Variants in CLSTN2 observed in about 807,000 individuals in gnomAD.
The protein encoded by CLSTN2 is calsyntenin-2.
Under a neutral mutation model 101.2 loss-of-function variants are expected in CLSTN2, and 48 were observed. The ratio of observed to expected loss-of-function variants is 0.47; its 90% CI spans 0.38 to 0.60. CLSTN2 has a LOEUF of 0.60. CLSTN2 is among the 20% of genes least tolerant of loss of function. The pLI is 0.00. For synonymous variants in CLSTN2, 481 were observed against 463.6 expected (o/e 1.04, Z -0.48); for missense variants, 1,160 against 1,238.2 (o/e 0.94, Z 0.95).
At chr3:140,381,217 C>G (rs1204587390) in intron 2 of CLSTN2, among the ~76,000 whole-genome samples, 3 of 152,192 alleles carry the variant, frequency 2.0e-5, no homozygotes, top group African/African-American at 7.2e-5. Context: ...ACATCATCTT[C>G]CTAATGGTCA....
chr3:140,171,906 TTA>T (rs1293517499), intron 1 of CLSTN2, among the ~76,000 whole-genome samples: 11 of 128,118 alleles, frequency 8.6e-5, no homozygotes, highest in Non-Finnish European at 1.1e-4. Context: ...ATATTATATA[TTA>T]TGTGTGTGTG....
intron 7 of CLSTN2, among the ~76,000 whole-genome samples, chr3:140,462,225 A>T (rs1406480169): frequency 6.6e-6 from 1 of 152,186 alleles, no homozygotes; most frequent in East Asian, 1.9e-4. Context: ...ACCTTTATAT[A>T]ACATTATCTC....
At chr3:140,291,044 A>T (rs2086941618) in intron 2 of CLSTN2, among the ~76,000 whole-genome samples, 1 of 152,098 alleles carries the variant, frequency 6.6e-6, no homozygotes, top group African/African-American at 2.4e-5. Flanking sequence ...TACATCCAAA[A>T]ATCCCTACCA....
chr3:140,456,695 G>T (rs1933408079), intron 6 of CLSTN2, among the ~76,000 whole-genome samples: 1 of 152,108 alleles, frequency 6.6e-6, no homozygotes, highest in South Asian at 2.1e-4. Flanking sequence ...GCTGAGGCAG[G>T]AGAATCGCTT....
At chr3:140,238,193 C>T (rs2086432663) in intron 2 of CLSTN2, among the ~76,000 whole-genome samples, 1 of 152,104 alleles carries the variant, frequency 6.6e-6, no homozygotes, top group South Asian at 2.1e-4. Context: ...CCTTTGGGGC[C>T]ACAGGATAGA....
intron 8 of CLSTN2, chr3:140,506,071 G>C (rs758113953): frequency 7.9e-5 from 12 of 152,158 alleles, no homozygotes; most frequent in Non-Finnish European, 1.6e-4. Flanking sequence ...TCATAATCTG[G>C]GAGATCCTCC....
chr3:140,575,415 G>A lies in CLSTN2; in HGVS notation c.*9162G>A, dbSNP rs1362407422. On this transcript the variant is annotated 3_prime_UTR_variant, in exon 17 of 17. Transcript: ENST00000458420. ...GTAAATCTGGCCATGTGACCAAAGA[G>A]GCAGTCAAATCAATTGCTTCCAAAG... 1 of 152,144 alleles carries A rather than the reference G, an allele frequency of 6.6e-6. No individual in the cohort carries two copies. Among genetic ancestry groups the A allele is most frequent in the Non-Finnish European group, 1.5e-5 (1 of 68,044 alleles). The allele number at this position is 152,144 out of a possible 1,614,324, so 9.4% of individuals were successfully genotyped here.
chr3:140,053,959 C>T (rs1252654506), intron 1 of CLSTN2, among the ~76,000 whole-genome samples: 5 of 152,200 alleles, frequency 3.3e-5, no homozygotes, highest in African/African-American at 1.2e-4. Flanking sequence ...GTTGCCATCT[C>T]TGAGTTAGAC....
At chr3:140,305,042 ACACACACACACACT>A (rs2087098563) in intron 2 of CLSTN2, among the ~76,000 whole-genome samples, 2 of 146,208 alleles carry the variant, frequency 1.4e-5, no homozygotes, top group South Asian at 2.3e-4. Context: ...ACACACACAC[ACACACACACACACT>A]CTCTCTCTCT....
chr3:140,540,480 T>C (rs945548495), intron 9 of CLSTN2, among the ~76,000 whole-genome samples: 28 of 152,328 alleles, frequency 1.8e-4, no homozygotes, highest in Non-Finnish European at 1.8e-4. Flanking sequence ...CACAGGTATC[T>C]ACATCACTGA....
At chr3:140,090,456 A>G (rs1031023857) in intron 1 of CLSTN2, among the ~76,000 whole-genome samples, 3 of 152,022 alleles carry the variant, frequency 2.0e-5, no homozygotes, top group African/African-American at 7.3e-5. Context: ...GCTCTTTTAT[A>G]TTGATGAATC....
At chr3:139,978,727 G>C (rs1156361619) in intron 1 of CLSTN2, among the ~76,000 whole-genome samples, 2 of 149,038 alleles carry the variant, frequency 1.3e-5, no homozygotes, top group East Asian at 4.0e-4. Context: ...GAGGGAACCA[G>C]AACTAAATCC....
At chr3:140,255,413 C>A (rs1381097012) in intron 2 of CLSTN2, among the ~76,000 whole-genome samples, 1 of 152,160 alleles carries the variant, frequency 6.6e-6, no homozygotes. Context: ...TGCCCATCAA[C>A]AGTGGACTGG....
At chr3:140,137,689 A>G (rs899018793) in intron 1 of CLSTN2, among the ~76,000 whole-genome samples, 2 of 152,174 alleles carry the variant, frequency 1.3e-5, no homozygotes, top group African/African-American at 4.8e-5. Flanking sequence ...CTATGCTAAT[A>G]TTTACATAAT....
At chr3:140,054,125 G>A (rs759376753) in intron 1 of CLSTN2, among the ~76,000 whole-genome samples, 70 of 152,136 alleles carry the variant, frequency 4.6e-4, no homozygotes, top group Non-Finnish European at 9.1e-4. Context: ...TATGGAGCTC[G>A]TGGGAGGGGG....
Position 140,313,475 on chromosome 3 carries a change from A to G in CLSTN2, c.233-90154A>G, listed in dbSNP as rs78521877. 4.0e-3 allele frequency among the ~76,000 whole-genome samples: 616 copies of G among 152,276 alleles called. 2 individuals are homozygous for G. Among genetic ancestry groups the G allele is most frequent in the African/African-American group, 0.014 (564 of 41,550 alleles). ...TGGCAGTTCAGTGGAGTGCAGTGTC[A>G]TTTTGAATTCTATGACAAATTACTG... On this transcript the variant is annotated intron_variant, in intron 2 of 16. Transcript: ENST00000458420.
At chr3:140,341,090 C>G (rs1360224385) in intron 2 of CLSTN2, among the ~76,000 whole-genome samples, 1 of 152,228 alleles carries the variant, frequency 6.6e-6, no homozygotes. Context: ...TAAAATTACT[C>G]TCCCTGACCC....
intron 2 of CLSTN2, among the ~76,000 whole-genome samples, chr3:140,282,431 G>A (rs116393862): frequency 0.018 from 2,796 of 152,240 alleles, 82 homozygotes; most frequent in African/African-American, 0.064. Context: ...GAAAACAGCT[G>A]CCACCTTTCC....
At position 140,563,960 on chromosome 3, in the gene CLSTN2, G is replaced by T. The variant is rs1418070915; in HGVS notation, c.2483-1G>T. The T allele has an allele frequency of 1.2e-6, 2 of 1,613,242 alleles. No individual in the cohort carries two copies. The highest frequency in any genetic ancestry group is 1.7e-6 in the Non-Finnish European group (2 of 1,179,374). On this transcript the variant is annotated splice_acceptor_variant, in intron 15 of 16. Transcript: ENST00000458420. LOFTEE classifies it high-confidence loss of function. ...TCATGCGAGTTTTTTCCTTGTTCCA[G>T]TGGTCCCAAGCATTGCCACAGTGGT...
Sources: gnomAD v4.1 joint callset for allele counts (sites outside exome capture counted in the v4.1 genomes callset) on GRCh38, gnomAD v4.1.1 for gene constraint, MANE v1.5 for transcripts, NCBI Gene and HGNC (gene_info 2026-07-23, HGNC 2026-07-21) for gene names.